KMT2A: variants seen among roughly 807,000 people sequenced by gnomAD.
KMT2A encodes lysine methyltransferase 2A.
KMT2A carries 16 observed loss-of-function variants against 345.3 expected under a neutral mutation model. The observed-to-expected ratio is 0.05, with a 90% CI of 0.03 to 0.07. KMT2A has a LOEUF of 0.07. Ranked by LOEUF, KMT2A falls within the 10% of genes least tolerant of loss-of-function variation. The pLI is 1.00. For missense variants in KMT2A, 3,272 were observed against 4,841.6 expected (o/e 0.68, Z 9.62); for synonymous variants, 1,599 against 1,778.6 (o/e 0.90, Z 2.54).
intron 6 of KMT2A, among the ~76,000 whole-genome samples, chr11:118,481,350 T>C (rs1387003863): frequency 6.6e-5 from 10 of 152,204 alleles, no homozygotes; most frequent in African/African-American, 2.4e-4. Flanking sequence ...GAGCATGTGA[T>C]GTTTGTCTCT....
At chr11:118,462,142 C>T (rs1949755760) in intron 1 of KMT2A, among the ~76,000 whole-genome samples, 2 of 151,838 alleles carry the variant, frequency 1.3e-5, no homozygotes, top group Admixed American at 6.6e-5. Flanking sequence ...TTTGTAGAGA[C>T]GGGGTTTCAC....
At chr11:118,446,334 G>A (rs1949420819) in intron 1 of KMT2A, among the ~76,000 whole-genome samples, 1 of 152,208 alleles carries the variant, frequency 6.6e-6, no homozygotes. Flanking sequence ...GGAGGATAGA[G>A]TGAGACTGTG....
At chr11:118,437,873 C>T (rs1949228506) in intron 1 of KMT2A, among the ~76,000 whole-genome samples, 1 of 152,118 alleles carries the variant, frequency 6.6e-6, no homozygotes, top group South Asian at 2.1e-4. Context: ...CAGGCTTTCC[C>T]TCCAGCTCTG....
At chr11:118,466,149 T>G (rs1185953832) in intron 1 of KMT2A, among the ~76,000 whole-genome samples, 2 of 151,986 alleles carry the variant, frequency 1.3e-5, no homozygotes, top group African/African-American at 2.4e-5. Context: ...CTGGGCAACA[T>G]AGTGAGACCC....
At position 118,471,854 on chromosome 11, in the gene KMT2A, A is replaced by C. The variant is rs1472681416; in HGVS notation, c.695A>C (p.Lys232Thr). The change falls in exon 3 of 36, where the codon AAA becomes ACA. Residue 232 changes from lysine (K) to threonine (T), a missense_variant. Physicochemically the swap from Lys to Thr is moderately conservative, Grantham distance 78 (BLOSUM62 -1). Around this residue, in one of 27 missense-constraint regions of KMT2A, gnomAD observed 412 missense variants for 511.0 expected, o/e 0.81. Transcript: ENST00000534358. ...AGACCTCCCACCTTCCCTGGAGTAAAAATCAAAATAACACATGGAAAGGAC... is the reference window on the plus strand; with the variant it reads ...AGACCTCCCACCTTCCCTGGAGTAACAATCAAAATAACACATGGAAAGGAC... Reference protein sequence around the residue: ...RGRPPTFPGVKIKITHGKDIS... With the variant: ...RGRPPTFPGVTIKITHGKDIS... The C allele has an allele frequency of 5.0e-6, 8 of 1,612,134 alleles. No individual in the cohort carries two copies. Among genetic ancestry groups the C allele is most frequent in the Non-Finnish European group, 5.9e-6 (7 of 1,179,534 alleles).
rs782628184 is a variant in KMT2A, at chr11:118,522,196, G to A, written c.*24G>A. Reference sequence around the variant, plus strand: ...AAAGCTGCTCTTCTCCCCCAGTGTTGGAGTGCAAGGAGGCGGGGCCATCCA... The same window carrying A: ...AAAGCTGCTCTTCTCCCCCAGTGTTAGAGTGCAAGGAGGCGGGGCCATCCA... On this transcript the variant is annotated 3_prime_UTR_variant, in exon 36 of 36. Transcript: ENST00000534358. The surrounding 1 kb of genome is among the most constrained non-coding windows in gnomAD (Gnocchi z 5.4). 6.2e-7 allele frequency: 1 copy of A among 1,609,418 alleles called. No individual in the cohort carries two copies. The highest frequency in any genetic ancestry group is 8.5e-7 in the Non-Finnish European group (1 of 1,176,330).
rs782098204 is a variant in KMT2A, at chr11:118,473,286, T to G, written c.2127T>G (p.Ser709=). The change falls in exon 3 of 36, where the codon TCT becomes TCG. Residue 709 remains serine, a synonymous_variant. Transcript: ENST00000534358. This position sits in a 1 kb window ranked among gnomAD's most constrained non-coding sequence, Gnocchi z 5.2. ...GATTTACTCCAAGTGAGGCTCACTCTAGAATATTTGAGTCTGTAACCTTGC... is the reference window on the plus strand; with the variant it reads ...GATTTACTCCAAGTGAGGCTCACTCGAGAATATTTGAGTCTGTAACCTTGC... ...APRFTPSEAH[S]RIFESVTLPS... The G allele has an allele frequency of 1.5e-5, 25 of 1,613,278 alleles. No individual in the cohort carries two copies. The highest frequency in any genetic ancestry group is 2.0e-5 in the Non-Finnish European group (24 of 1,179,744).
Position 118,521,430 on chromosome 11 carries a change from C to G in KMT2A, c.11643+13C>G, listed in dbSNP as rs186733758. 1.5e-5 allele frequency: 25 copies of G among 1,613,832 alleles called. No individual in the cohort carries two copies. Among genetic ancestry groups the G allele is most frequent in the Non-Finnish European group, 1.6e-5 (19 of 1,179,750 alleles). ...TTACGACAGCAAGGTAAGTCTCCCA[C>G]TTGCACTCACACAGTTCTTTTGTTT... On this transcript the variant is annotated intron_variant, in intron 35 of 35. Coordinates refer to ENST00000534358, the MANE Select transcript of KMT2A (RefSeq NM_001197104.2). The surrounding 1 kb of genome is among the most constrained non-coding windows in gnomAD (Gnocchi z 5.3).
chr11:118,485,883 C>T (rs1037442396), intron 10 of KMT2A, among the ~76,000 whole-genome samples: 8 of 152,114 alleles, frequency 5.3e-5, no homozygotes, highest in African/African-American at 1.9e-4. Flanking sequence ...GAGATCCAGA[C>T]CATCCTGGCT....
intron 31 of KMT2A, among the ~76,000 whole-genome samples, chr11:118,515,272 G>T (rs1950786485): frequency 6.6e-6 from 1 of 152,102 alleles, no homozygotes; most frequent in African/African-American, 2.4e-5. Flanking sequence ...CAAATTCCCT[G>T]GTTTACACAA....
In KMT2A at chr11:118,496,210, C is replaced by T; in HGVS notation, c.5558-51C>T. Reference sequence around the variant, plus strand: ...TTCCTTGAAATCAGACATAGTATTGCCAATTTTAACTGGATCTCAAGGTAT... The same window carrying T: ...TTCCTTGAAATCAGACATAGTATTGTCAATTTTAACTGGATCTCAAGGTAT... On this transcript the variant is annotated intron_variant, in intron 19 of 35. Transcript: ENST00000534358. The surrounding 1 kb of genome is among the most constrained non-coding windows in gnomAD (Gnocchi z 4.7). The T allele has an allele frequency of 7.6e-7, 1 of 1,312,290 alleles. No homozygotes were observed. The highest frequency in any genetic ancestry group is 1.2e-5 in the South Asian group (1 of 84,236). The allele number at this position is 1,312,290 out of a possible 1,614,324, so 81.3% of individuals were successfully genotyped here.
intron 1 of KMT2A, among the ~76,000 whole-genome samples, chr11:118,464,554 A>AG (rs1367358217): frequency 6.6e-6 from 1 of 152,106 alleles, no homozygotes; most frequent in African/African-American, 2.4e-5. Flanking sequence ...AAAAAAAAAA[A>AG]AAACCTAAAG....
intron 1 of KMT2A, among the ~76,000 whole-genome samples, chr11:118,451,775 A>C (rs1555029029): frequency 6.6e-6 from 1 of 151,504 alleles, no homozygotes; most frequent in African/African-American, 2.4e-5. Flanking sequence ...TATAGGTGCG[A>C]CCCACCATGC....
Position 118,491,913 on chromosome 11 carries a change from G to A in KMT2A, c.4989G>A (p.Leu1663=). 5 of 1,613,376 alleles carry A rather than the reference G, an allele frequency of 3.1e-6. No homozygotes were observed. The highest frequency in any genetic ancestry group is 4.2e-6 in the Non-Finnish European group (5 of 1,179,852). ...TGAATTCTCGGACTACCAGCCATTTGCTACGCTACCGGCAGGTAGGCCAAG... is the reference window on the plus strand; with the variant it reads ...TGAATTCTCGGACTACCAGCCATTTACTACGCTACCGGCAGGTAGGCCAAG... ...ALLNSRTTSH[L]LRYRQAAKPP... is the part of the protein sequence containing the mutation. Residue 1663 remains leucine, a synonymous_variant, in exon 15 of 36, where the codon TTG becomes TTA. Transcript: ENST00000534358. This position sits in a 1 kb window ranked among gnomAD's most constrained non-coding sequence, Gnocchi z 4.2.
chr11:118,526,092 T>C lies in KMT2A; in HGVS notation c.*3920T>C, dbSNP rs1164314381. ...TAGATAAGGATTGTGTTACAGTTGC[T>C]AGTAGCGGCAGGAAGATGTCAGGCT... On this transcript the variant is annotated 3_prime_UTR_variant, in exon 36 of 36. Coordinates refer to ENST00000534358, the MANE Select transcript of KMT2A (RefSeq NM_001197104.2). 1 of 218,754 alleles carries C rather than the reference T, an allele frequency of 4.6e-6. No homozygotes were observed. Among genetic ancestry groups the C allele is most frequent in the Non-Finnish European group, 9.2e-6 (1 of 109,008 alleles). 13.6% of individuals were successfully genotyped at this position (218,754 alleles called of 1,614,324 possible).
chr11:118,509,313 C>A, intron 29 of KMT2A, 113 bp downstream of exon 29: 2 of 884,874 alleles, frequency 2.3e-6, no homozygotes, highest in Non-Finnish European at 3.4e-6. Context: ...ATCTAAGCTC[C>A]AAAGAAGTTA....
rs146812027 is a variant in KMT2A, at chr11:118,504,913, C to G, written c.9021C>G (p.Ile3007Met). 6.2e-7 allele frequency: 1 copy of G among 1,614,110 alleles called. No homozygotes were observed. The highest frequency in any genetic ancestry group is 1.3e-5 in the African/African-American group (1 of 74,936). The change falls in exon 27 of 36, where the codon ATC (isoleucine) becomes ATG (methionine). Residue 3007 changes from isoleucine (I) to methionine (M), a missense_variant. By Grantham distance (10) the Ile-to-Met change is conservative. Around this residue, in one of 27 missense-constraint regions of KMT2A, gnomAD observed 748 missense variants for 922.2 expected, o/e 0.81. Coordinates refer to ENST00000534358, the MANE Select transcript of KMT2A (RefSeq NM_001197104.2). The surrounding 1 kb of genome is among the most constrained non-coding windows in gnomAD (Gnocchi z 6.4). ...AAGGACACATGGATGCAGACCACAT[C>G]TCTAGCCCTCCTTGTGGTTCAGTAG... Reference protein sequence around the residue: ...FIQGHMDADHISSPPCGSVEQ... With the variant: ...FIQGHMDADHMSSPPCGSVEQ...
chr11:118,512,600 A>G (rs782184802), intron 31 of KMT2A, among the ~76,000 whole-genome samples: 18 of 152,170 alleles, frequency 1.2e-4, no homozygotes, highest in South Asian at 4.1e-4. Context: ...ACAAATATTC[A>G]TGTTCAAGTT....
chr11:118,472,554 T>C lies in KMT2A; in HGVS notation c.1395T>C (p.Ala465=). The change falls in exon 3 of 36, where the codon GCT becomes GCC. Residue 465 remains alanine, a synonymous_variant. Coordinates refer to ENST00000534358, the MANE Select transcript of KMT2A (RefSeq NM_001197104.2). ...GATCTTCTGAAAAATCAAGTGCAGC[T>C]TCTCAGCACTCCTCTCAAATGTCTT... The part of the protein sequence containing the change: ...SCGSSEKSSA[A]SQHSSQMSSD... 1.9e-6 allele frequency: 3 copies of C among 1,612,354 alleles called. No homozygotes were observed. The highest frequency in any genetic ancestry group is 2.5e-6 in the Non-Finnish European group (3 of 1,179,740).
Sources: gnomAD v4.1 joint callset for allele counts (sites outside exome capture counted in the v4.1 genomes callset) on GRCh38, gnomAD v4.1.1 for gene constraint, gnomAD v4.1.1 regional missense constraint, Gnocchi (gnomAD v3.1) non-coding constraint, MANE v1.5 for transcripts, NCBI Gene and HGNC (gene_info 2026-07-23, HGNC 2026-07-21) for gene names.